The following PIP5K1B variants were observed in gnomAD, a reference collection of about 807,000 sequenced individuals.
PIP5K1B encodes phosphatidylinositol-4-phosphate 5-kinase type 1 beta.
PIP5K1B carries 42 observed loss-of-function variants against 67.0 expected under a neutral mutation model. That is an observed-to-expected ratio of 0.63 (90% CI 0.49 to 0.81). The LOEUF is 0.81. Among genes scored for constraint, PIP5K1B ranks in the 30% least tolerant of loss-of-function variants. The probability of loss-of-function intolerance (pLI) is 0.00; values close to 1 mark genes in which losing one functional copy is unlikely to be tolerated. For synonymous variants in PIP5K1B, 214 were observed against 231.4 expected, an observed-to-expected ratio of 0.92 and a Z score of 0.68; for missense variants, 459 against 646.3, an observed-to-expected ratio of 0.71 and a Z score of 3.14.
At chr9:68,726,287 A>C (rs1402652051) in intron 1 of PIP5K1B, among the ~76,000 whole-genome samples, 1 of 152,198 alleles carries the variant, frequency 6.6e-6, no homozygotes, top group Non-Finnish European at 1.5e-5. Flanking sequence ...TACAAATTAA[A>C]AAAATTGAAA....
At chr9:68,908,132 T>C (rs1255931523) in intron 8 of PIP5K1B, among the ~76,000 whole-genome samples, 1 of 152,180 alleles carries the variant, frequency 6.6e-6, no homozygotes. Flanking sequence ...TCTGCTGACG[T>C]ACCAGTTAAG....
At chr9:68,967,481 A>G (rs1047625597) in intron 14 of PIP5K1B, among the ~76,000 whole-genome samples, 6 of 152,214 alleles carry the variant, frequency 3.9e-5, no homozygotes, top group African/African-American at 1.4e-4. Flanking sequence ...TAGCAAAGGA[A>G]ATCATGAGGA....
rs73457610 is a variant in PIP5K1B, at chr9:68,806,316, C to T, written c.-85-12145C>T. 3.6e-3 allele frequency among the ~76,000 whole-genome samples: 553 copies of T among 152,314 alleles called. 5 individuals are homozygous for T. Among genetic ancestry groups the T allele is most frequent in the African/African-American group, 0.012 (504 of 41,568 alleles). On this transcript the variant is annotated intron_variant, in intron 2 of 15. Coordinates refer to ENST00000265382, the MANE Select transcript of PIP5K1B (RefSeq NM_003558.4). ...CTGCACTCCTCAGTCCCTGGCTTTG[C>T]TCAGGTTCTGACAGTGTTTTTGTTG... is the stretch of plus-strand genomic sequence containing the variant.
At chr9:68,780,874 T>A in intron 2 of PIP5K1B, 1 of 1,614,242 alleles carries the variant, frequency 6.2e-7, no homozygotes, top group Middle Eastern at 1.6e-4. Context: ...GATCCTGGTG[T>A]GTGTGTATCT....
chr9:68,971,151 C>G (rs75680829), intron 14 of PIP5K1B, among the ~76,000 whole-genome samples: 1 of 152,104 alleles, frequency 6.6e-6, no homozygotes, highest in African/African-American at 2.4e-5. Flanking sequence ...GAGTGCCCCC[C>G]ACTCCCCGAC....
chr9:68,981,871 C>G (rs140477999), intron 14 of PIP5K1B, among the ~76,000 whole-genome samples: 31 of 152,010 alleles, frequency 2.0e-4, no homozygotes, highest in Non-Finnish European at 4.0e-4. Flanking sequence ...CCTAGAGAGA[C>G]AGCCAGGAAG....
chr9:68,972,321 C>G (rs543376409), intron 14 of PIP5K1B, among the ~76,000 whole-genome samples: 265 of 152,232 alleles, frequency 1.7e-3, no homozygotes, highest in African/African-American at 6.1e-3. Context: ...GTTTCTGAGG[C>G]CTCTGTTCTG....
At chr9:68,820,653 C>T (rs960241529) in intron 3 of PIP5K1B, among the ~76,000 whole-genome samples, 1 of 152,076 alleles carries the variant, frequency 6.6e-6, no homozygotes, top group Non-Finnish European at 1.5e-5. Flanking sequence ...GCTTCAAAAG[C>T]GTAAAAGAAA....
Position 69,008,487 on chromosome 9 carries a change from T to C in PIP5K1B, c.*38T>C. ...ATCACCTAAGCACATGGATGAGACG[T>C]GAGCACAGTTATGGCAGAGAAGTTT... On this transcript the variant is annotated 3_prime_UTR_variant, in exon 16 of 16. Transcript: ENST00000265382. 1 of 1,608,820 alleles carries C rather than the reference T, an allele frequency of 6.2e-7. No individual in the cohort carries two copies. The highest frequency in any genetic ancestry group is 8.5e-7 in the Non-Finnish European group (1 of 1,175,156).
intron 4 of PIP5K1B, among the ~76,000 whole-genome samples, chr9:68,839,064 C>A (rs1256562826): frequency 1.3e-5 from 2 of 152,142 alleles, no homozygotes; most frequent in African/African-American, 2.4e-5. Flanking sequence ...AGAGTTAGTG[C>A]TTTTTGCAAG....
At chr9:68,790,068 C>T (rs72717929) in intron 2 of PIP5K1B, among the ~76,000 whole-genome samples, 157 of 152,128 alleles carry the variant, frequency 1.0e-3, no homozygotes, top group Middle Eastern at 3.4e-3. Context: ...TTGACCCTTC[C>T]CTCCCCTCCT....
chr9:68,938,325 C>T lies in PIP5K1B; in HGVS notation c.1358-2321C>T, dbSNP rs774581538. Reference sequence around the variant, plus strand: ...TATTTAGAATAGTTAGCTCTTCTTGCTGCATTGATCCCTTTACCACTATGT... The same window carrying T: ...TATTTAGAATAGTTAGCTCTTCTTGTTGCATTGATCCCTTTACCACTATGT... On this transcript the variant is annotated intron_variant, in intron 13 of 15. Transcript: ENST00000265382. Among the ~76,000 whole-genome samples the T allele has an allele frequency of 4.8e-4, 73 of 152,094 alleles. 2 individuals carry two copies. Among genetic ancestry groups the T allele is most frequent in the Non-Finnish European group, 1.5e-4 (10 of 68,022 alleles).
intron 8 of PIP5K1B, among the ~76,000 whole-genome samples, chr9:68,902,627 C>G (rs954028579): frequency 6.6e-6 from 1 of 152,294 alleles, no homozygotes; most frequent in East Asian, 1.9e-4. Context: ...AGATAAATGC[C>G]TGAATTCAAT....
intron 14 of PIP5K1B, among the ~76,000 whole-genome samples, chr9:68,989,757 A>G (rs1209865458): frequency 6.6e-6 from 1 of 152,124 alleles, no homozygotes; most frequent in Non-Finnish European, 1.5e-5. Flanking sequence ...TGGTGGGTAG[A>G]TCACCTGAGG....
intron 2 of PIP5K1B, among the ~76,000 whole-genome samples, chr9:68,772,944 ATTATT>A (rs1830736598): frequency 1.3e-5 from 2 of 152,284 alleles, no homozygotes; most frequent in South Asian, 4.1e-4. Flanking sequence ...TGGACACCAT[ATTATT>A]TTATCTTTAC....
At chr9:68,717,337 AC>A (rs2132253079) in intron 1 of PIP5K1B, among the ~76,000 whole-genome samples, 1 of 152,310 alleles carries the variant, frequency 6.6e-6, no homozygotes, top group African/African-American at 2.4e-5. Flanking sequence ...AGTTGGCATA[AC>A]CCAAGCTTGC....
chr9:68,800,565 G>C (rs1461862985), intron 2 of PIP5K1B, among the ~76,000 whole-genome samples: 1 of 152,128 alleles, frequency 6.6e-6, no homozygotes, highest in Non-Finnish European at 1.5e-5. Context: ...TCAAGAGGAT[G>C]TCGGGCCTTT....
intron 11 of PIP5K1B, among the ~76,000 whole-genome samples, chr9:68,920,449 C>G (rs202070574): frequency 7.6e-6 from 1 of 132,060 alleles, no homozygotes; most frequent in Non-Finnish European, 1.6e-5. Context: ...CTCACTGCAA[C>G]CTCTGCCTCC....
At chr9:68,957,696 G>T (rs1342289376) in intron 14 of PIP5K1B, among the ~76,000 whole-genome samples, 1 of 152,134 alleles carries the variant, frequency 6.6e-6, no homozygotes, top group Non-Finnish European at 1.5e-5. Context: ...CCATGTCCCT[G>T]TGTCTTCAGA....
Sources: allele counts gnomAD v4.1 joint callset (sites outside exome capture counted in the v4.1 genomes callset), GRCh38; gene constraint gnomAD v4.1.1; transcripts MANE v1.5; gene names NCBI Gene and HGNC (gene_info 2026-07-23, HGNC 2026-07-21).